The following SORBS2 variants were observed in gnomAD, a reference collection of about 807,000 sequenced individuals.
SORBS2 encodes sorbin and SH3 domain containing 2, also known as sorbin and SH3 domain-containing protein 2.
SORBS2 carries 46 observed loss-of-function variants against 97.7 expected under a neutral mutation model. The ratio of observed to expected loss-of-function variants is 0.47; its 90% confidence interval spans 0.37 to 0.60. The LOEUF (loss-of-function observed/expected upper bound fraction) is 0.60, where lower values mean the gene tolerates loss of function less well. Among genes scored for constraint, SORBS2 ranks in the 20% least tolerant of loss-of-function variants. The pLI is 0.00. For missense variants in SORBS2, 1,316 were observed against 1,282.3 expected (o/e 1.03, Z -0.40); for synonymous variants, 476 against 473.4 (o/e 1.01, Z -0.07).
chr4:185,909,560 G>GT (rs1214968568), intron 1 of SORBS2, among the ~76,000 whole-genome samples: 1 of 140,664 alleles, frequency 7.1e-6, no homozygotes, highest in African/African-American at 2.5e-5. Context: ...AAATAAAAGG[G>GT]TAAAAAAAAG....
At chr4:185,599,544 A>G (rs1258518508) in intron 12 of SORBS2, among the ~76,000 whole-genome samples, 1 of 152,218 alleles carries the variant, frequency 6.6e-6, no homozygotes, top group Admixed American at 6.5e-5. Context: ...TTAGACAAGA[A>G]TCATGGATTT....
intron 4 of SORBS2, among the ~76,000 whole-genome samples, chr4:185,671,677 G>A (rs1347281677): frequency 6.6e-6 from 1 of 152,208 alleles, no homozygotes; most frequent in Non-Finnish European, 1.5e-5. Flanking sequence ...GGAAGAGAAG[G>A]ATCACGTGAA....
chr4:185,631,671 A>G (rs533069027), intron 4 of SORBS2, among the ~76,000 whole-genome samples: 1 of 152,310 alleles, frequency 6.6e-6, no homozygotes, highest in South Asian at 2.1e-4. Flanking sequence ...CTGAGGCAGG[A>G]GAATTGCTTG....
chr4:185,869,408 G>A (rs1360807044), intron 1 of SORBS2, among the ~76,000 whole-genome samples: 1 of 152,008 alleles, frequency 6.6e-6, no homozygotes. Flanking sequence ...TTTTCTGAAG[G>A]GCCCACTGTA....
At chr4:185,676,957 C>T (rs545926337) in intron 4 of SORBS2, 54 of 1,510,668 alleles carry the variant, frequency 3.6e-5, no homozygotes, top group Admixed American at 2.2e-4. Context: ...CTCTACGATA[C>T]GCATGTATTA....
chr4:185,688,602 C>CATCT (rs760530707), intron 2 of SORBS2, among the ~76,000 whole-genome samples: 3 of 151,978 alleles, frequency 2.0e-5, no homozygotes, highest in Non-Finnish European at 2.9e-5. Flanking sequence ...CCACTTTATT[C>CATCT]ATCTATCTAT....
At chr4:185,943,147 G>T (rs912196200) in intron 1 of SORBS2, among the ~76,000 whole-genome samples, 10 of 152,212 alleles carry the variant, frequency 6.6e-5, no homozygotes, top group African/African-American at 2.4e-4. Context: ...TTTCCTCATA[G>T]ATCACGTTCA....
chr4:185,649,733 C>T (rs951826126), intron 2 of SORBS2, 77 bp from the exon 12 acceptor site: 26 of 965,214 alleles, frequency 2.7e-5, no homozygotes, highest in Non-Finnish European at 2.7e-5. Flanking sequence ...TTATTTGTCC[C>T]CCTCAAAATA....
chr4:185,858,011 C>A (rs549032605), intron 1 of SORBS2, among the ~76,000 whole-genome samples: 2 of 152,268 alleles, frequency 1.3e-5, no homozygotes, highest in Admixed American at 6.5e-5. Flanking sequence ...ATCTCTGTGA[C>A]CTACTCCCTG....
chr4:185,624,294 C>A, exon 7 of SORBS2: 1 of 1,614,132 alleles, frequency 6.2e-7, no homozygotes, highest in East Asian at 2.2e-5. Flanking sequence ...TTGGGAGAGA[C>A]GGTTTCTTCC....
chr4:185,685,775 G>A (rs376804171), intron 2 of SORBS2, among the ~76,000 whole-genome samples: 1 of 152,188 alleles, frequency 6.6e-6, no homozygotes, highest in Non-Finnish European at 1.5e-5. Context: ...TTTCCGCCTC[G>A]GCCTCCCATT....
intron 2 of SORBS2, among the ~76,000 whole-genome samples, chr4:185,731,854 CTCTCTCTCTCTCTATATATATATA>C (rs1283198865): frequency 3.8e-4 from 13 of 33,790 alleles, no homozygotes; most frequent in African/African-American, 1.4e-3. Flanking sequence ...CTCTCTCTCT[CTCTCTCTCTCTCTATATATATATA>C]TATATATATA....
intron 1 of SORBS2, among the ~76,000 whole-genome samples, chr4:185,950,332 G>A (rs2099276624): frequency 6.6e-6 from 1 of 152,136 alleles, no homozygotes; most frequent in Non-Finnish European, 1.5e-5. Context: ...TTTTGATAGT[G>A]AATTAGGAAG....
chr4:185,587,423 T>C, exon 15 of SORBS2: 1 of 576,526 alleles, frequency 1.7e-6, no homozygotes, highest in South Asian at 2.2e-5. Flanking sequence ...ATCCACACTT[T>C]CACGGAGGGG....
At chr4:185,646,446 TAC>T (rs2097210199) in intron 4 of SORBS2, 2 of 64,868 alleles carry the variant, frequency 3.1e-5, no homozygotes, top group East Asian at 1.7e-4. Flanking sequence ...TACACACACA[TAC>T]ACACACACAT....
intron 3 of SORBS2, among the ~76,000 whole-genome samples, chr4:185,647,779 T>C (rs1308431326): frequency 6.6e-6 from 1 of 152,222 alleles, no homozygotes; most frequent in Admixed American, 6.5e-5. Context: ...ACAGCAATAA[T>C]GTGTTGTTCT....
At chr4:185,746,917 G>A (rs1451960190) in intron 2 of SORBS2, among the ~76,000 whole-genome samples, 1 of 152,168 alleles carries the variant, frequency 6.6e-6, no homozygotes, top group Non-Finnish European at 1.5e-5. Context: ...CCTGTGCCCT[G>A]TATTTGAAGA....
At chr4:185,895,580 C>T (rs1395996213) in intron 1 of SORBS2, among the ~76,000 whole-genome samples, 2 of 152,190 alleles carry the variant, frequency 1.3e-5, no homozygotes, top group African/African-American at 2.4e-5. Context: ...CCGGGTGCAC[C>T]GGGCCCAGTG....
intron 2 of SORBS2, among the ~76,000 whole-genome samples, chr4:185,742,463 C>G (rs758591569): frequency 6.6e-6 from 1 of 152,180 alleles, no homozygotes; most frequent in African/African-American, 2.4e-5. Flanking sequence ...AAATATCCAT[C>G]GAGCACCTAC....
Sources: allele counts gnomAD v4.1 joint callset (sites outside exome capture counted in the v4.1 genomes callset), GRCh38; gene constraint gnomAD v4.1.1; transcripts MANE v1.5; gene names NCBI Gene and HGNC (gene_info 2026-07-23, HGNC 2026-07-21).